The following CNTN5 variants were observed in gnomAD, a reference collection of about 807,000 sequenced individuals.
The protein encoded by CNTN5 is contactin 5, also known as contactin-5.
In CNTN5, 77 loss-of-function variants were observed where a neutral mutation model predicts 129.1. The observed-to-expected ratio is 0.60, with a 90% CI of 0.50 to 0.72. The LOEUF (loss-of-function observed/expected upper bound fraction) is 0.72. Among genes scored for constraint, CNTN5 ranks in the 30% least tolerant of loss-of-function variants. CNTN5 has a pLI of 0.00. For missense variants in CNTN5, 1,478 were observed against 1,328.8 expected (o/e 1.11, Z -1.75); for synonymous variants, 509 against 465.6 (o/e 1.09, Z -1.20).
At chr11:99,664,470 G>A (rs1317509346) in intron 3 of CNTN5, among the ~76,000 whole-genome samples, 1 of 152,068 alleles carries the variant, frequency 6.6e-6, no homozygotes, top group East Asian at 1.9e-4. Context: ...AGGAAAACCT[G>A]GACCAGAGTT....
intron 20 of CNTN5, among the ~76,000 whole-genome samples, chr11:100,299,909 A>G (rs1208902372): frequency 6.6e-6 from 1 of 151,514 alleles, no homozygotes; most frequent in African/African-American, 2.4e-5. Context: ...ATCTTATGAA[A>G]TAGACATTAT....
At chr11:99,260,761 CTAATT>C (rs1862589491) in intron 1 of CNTN5, among the ~76,000 whole-genome samples, 1 of 151,880 alleles carries the variant, frequency 6.6e-6, no homozygotes, top group African/African-American at 2.4e-5. Flanking sequence ...GTGTCCTTGA[CTAATT>C]TAAGCCAATT....
At chr11:99,045,999 AC>A (rs1324346278) in intron 1 of CNTN5, among the ~76,000 whole-genome samples, 1 of 152,158 alleles carries the variant, frequency 6.6e-6, no homozygotes, top group Non-Finnish European at 1.5e-5. Flanking sequence ...TGGAATATGT[AC>A]CCAGGTAAAT....
At chr11:100,337,335 A>G in intron 21 of CNTN5, 1 of 885,584 alleles carries the variant, frequency 1.1e-6, no homozygotes, top group Non-Finnish European at 1.9e-6. Flanking sequence ...CATATTCTGG[A>G]AGTGATCGAT....
chr11:99,684,843 C>A (rs1953718127), intron 3 of CNTN5, among the ~76,000 whole-genome samples: 1 of 151,652 alleles, frequency 6.6e-6, no homozygotes, highest in African/African-American at 2.4e-5. Flanking sequence ...TCTTCTCTTT[C>A]TCTTTTTTTC....
intron 1 of CNTN5, among the ~76,000 whole-genome samples, chr11:99,152,934 G>A (rs201448948): frequency 6.6e-6 from 1 of 152,046 alleles, no homozygotes; most frequent in South Asian, 2.1e-4. Context: ...ATTATTGGTT[G>A]AAATCTCTTT....
intron 10 of CNTN5, among the ~76,000 whole-genome samples, chr11:100,063,677 T>C (rs1943572609): frequency 6.9e-6 from 1 of 145,268 alleles, no homozygotes; most frequent in South Asian, 2.2e-4. Context: ...TCCAACACTT[T>C]GGGAGGCCAT....
At chr11:99,196,071 A>G (rs1407042778) in intron 1 of CNTN5, among the ~76,000 whole-genome samples, 3 of 152,114 alleles carry the variant, frequency 2.0e-5, no homozygotes, top group Non-Finnish European at 2.9e-5. Flanking sequence ...AAAATGATCC[A>G]GAAGAGACAA....
chr11:99,060,872 C>A (rs1864844935), intron 1 of CNTN5, among the ~76,000 whole-genome samples: 1 of 152,048 alleles, frequency 6.6e-6, no homozygotes, highest in African/African-American at 2.4e-5. Flanking sequence ...GAAGAGGCAG[C>A]AAAAGAAGTA....
intron 15 of CNTN5, among the ~76,000 whole-genome samples, chr11:100,198,381 T>TA (rs1328906343): frequency 2.0e-5 from 3 of 151,046 alleles, no homozygotes; most frequent in Non-Finnish European, 4.4e-5. Context: ...AGCACTGAGC[T>TA]AAGATAGATG....
rs942607601 is a variant in CNTN5 at position 99,966,976 on chromosome 11, T to C, written c.877+9967T>C. Among the ~76,000 whole-genome samples, 6 of 152,140 alleles carry C rather than the reference T, an allele frequency of 3.9e-5. No homozygotes were observed. The East Asian group carries it at 5.8e-4, about 15-fold the overall frequency. ...AAATGCTGTGATAGATTGATAGATATATGTTACTTTGGTAACCCCTAATAG... is the reference window on the plus strand; with the variant it reads ...AAATGCTGTGATAGATTGATAGATACATGTTACTTTGGTAACCCCTAATAG... On this transcript the variant is annotated intron_variant, in intron 8 of 24. Transcript: ENST00000524871.
At chr11:99,352,553 C>A (rs537007154) in intron 2 of CNTN5, among the ~76,000 whole-genome samples, 1 of 151,880 alleles carries the variant, frequency 6.6e-6, no homozygotes, top group South Asian at 2.1e-4. Context: ...TTGTTTGGAG[C>A]CCCTATTCCT....
intron 1 of CNTN5, among the ~76,000 whole-genome samples, chr11:99,174,527 A>G (rs1173761899): frequency 2.6e-5 from 4 of 152,174 alleles, no homozygotes; most frequent in African/African-American, 9.7e-5. Context: ...AATTCTGTCT[A>G]GTGTTAAAAA....
chr11:99,179,551 A>T (rs2135560429), intron 1 of CNTN5, among the ~76,000 whole-genome samples: 1 of 152,336 alleles, frequency 6.6e-6, no homozygotes. Flanking sequence ...CTAAAGAGTT[A>T]ATGTAATTTT....
chr11:99,306,177 A>T (rs1436728920), intron 1 of CNTN5, among the ~76,000 whole-genome samples: 1 of 152,130 alleles, frequency 6.6e-6, no homozygotes, highest in Non-Finnish European at 1.5e-5. Flanking sequence ...AGATAAGCAA[A>T]ATGATATTAA....
intron 7 of CNTN5, among the ~76,000 whole-genome samples, chr11:99,921,624 T>TA (rs1406446422): frequency 6.6e-6 from 1 of 152,230 alleles, no homozygotes; most frequent in Non-Finnish European, 1.5e-5. Flanking sequence ...CGCATTTACT[T>TA]ACTTCGTTGT....
chr11:100,181,966 A>C (rs1948150953), intron 13 of CNTN5, among the ~76,000 whole-genome samples: 1 of 152,054 alleles, frequency 6.6e-6, no homozygotes, highest in Non-Finnish European at 1.5e-5. Context: ...CTAATTCTTA[A>C]ATTCATTTGG....
intron 1 of CNTN5, among the ~76,000 whole-genome samples, chr11:99,215,031 G>GGA (rs1555080015): frequency 1.4e-5 from 2 of 146,452 alleles, no homozygotes; most frequent in African/African-American, 5.0e-5. Context: ...CTTTAAAAAA[G>GGA]AAAAAAAAAA....
intron 9 of CNTN5, among the ~76,000 whole-genome samples, chr11:100,051,677 C>A (rs1188562861): frequency 6.6e-6 from 1 of 151,672 alleles, no homozygotes; most frequent in Non-Finnish European, 1.5e-5. Flanking sequence ...AAACTCAAAT[C>A]TCATTTTTAG....
Sources: allele counts gnomAD v4.1 joint callset (sites outside exome capture counted in the v4.1 genomes callset), GRCh38; gene constraint gnomAD v4.1.1; transcripts MANE v1.5; gene names NCBI Gene and HGNC (gene_info 2026-07-23, HGNC 2026-07-21).